LCOR: variants seen among roughly 807,000 people sequenced by gnomAD.
LCOR encodes the protein ligand dependent nuclear receptor corepressor.
A neutral mutation model predicts 64.4 loss-of-function variants in LCOR; 14 were observed. The observed-to-expected ratio is 0.22, with a 90% CI of 0.14 to 0.34. The LOEUF (loss-of-function observed/expected upper bound fraction) is 0.34, where lower values mean the gene tolerates loss of function less well. LCOR is among the 10% of genes least tolerant of loss of function. The probability of loss-of-function intolerance (pLI) is 1.00; values close to 1 mark genes in which losing one functional copy is unlikely to be tolerated. For missense variants in LCOR, 1,686 were observed against 1,765.3 expected, an observed-to-expected ratio of 0.96 and a Z score of 0.80; for synonymous variants, 643 against 642.5, an observed-to-expected ratio of 1.00 and a Z score of -0.01.
intron 2 of LCOR, among the ~76,000 whole-genome samples, chr10:96,873,582 G>GTA (rs1846112292): frequency 9.4e-6 from 1 of 106,814 alleles, no homozygotes; most frequent in Admixed American, 8.5e-5. Context: ...GTGTGTGTGT[G>GTA]TGTGTGTGTG....
At chr10:96,954,081 G>GT (rs140140479) in intron 7 of LCOR, among the ~76,000 whole-genome samples, 1 of 152,062 alleles carries the variant, frequency 6.6e-6, no homozygotes. Context: ...AAGAAGGGAA[G>GT]TTTTTTTTAA....
chr10:96,992,749 C>G lies in LCOR; in HGVS notation c.*7615C>G, dbSNP rs535305334. The G allele has an allele frequency of 6.6e-6, 1 of 152,380 alleles. No homozygotes were observed. Among genetic ancestry groups the G allele is most frequent in the Non-Finnish European group, 1.5e-5 (1 of 68,048 alleles). 9.4% of individuals were successfully genotyped at this position (152,380 alleles called of 1,614,324 possible). A position where few individuals can be genotyped will look rare whatever the true frequency, so the allele number is the denominator to read the frequency against. On this transcript the variant is annotated 3_prime_UTR_variant, in exon 8 of 8. Transcript: ENST00000421806. Reference sequence around the variant, plus strand: ...TTGTAGCCCCAAGGAAATCCAAACCCATGCTTGTGAGATATGGAGAAACCA... The same window carrying G: ...TTGTAGCCCCAAGGAAATCCAAACCGATGCTTGTGAGATATGGAGAAACCA...
At chr10:96,968,070 T>TA (rs1016032354) in intron 7 of LCOR, among the ~76,000 whole-genome samples, 14 of 152,170 alleles carry the variant, frequency 9.2e-5, no homozygotes, top group South Asian at 2.1e-4. Flanking sequence ...TTATTATGGT[T>TA]AAAAAAAACA....
rs531164208 is a variant in LCOR at position 96,896,392 on chromosome 10, T to C, written c.-329-10873T>C. On this transcript the variant is annotated intron_variant, in intron 2 of 7. Coordinates refer to ENST00000421806, the MANE Select transcript of LCOR (RefSeq NM_001346516.2). ...TCTTTTCAGTAAATTACTTGCAAAG[T>C]AATTTTATTAGTTTTATTTATTATT... Among the ~76,000 whole-genome samples, 55 of 152,294 alleles carry C rather than the reference T, an allele frequency of 3.6e-4. 1 individual carries two copies. Among genetic ancestry groups the C allele is most frequent in the African/African-American group, 1.2e-3 (49 of 41,588 alleles).
intron 2 of LCOR, among the ~76,000 whole-genome samples, chr10:96,847,364 G>A (rs1327453628): frequency 1.4e-5 from 2 of 146,842 alleles, no homozygotes; most frequent in African/African-American, 2.5e-5. Context: ...AAAAAAAAAA[G>A]CACACGGTAA....
intron 1 of LCOR, among the ~76,000 whole-genome samples, chr10:96,832,757 G>C (rs530258171): frequency 1.4e-4 from 21 of 150,962 alleles, no homozygotes; most frequent in African/African-American, 4.8e-4. Context: ...GCCGCCGCCG[G>C]CTTATTGTGG....
Position 96,966,748 on chromosome 10 carries a change from G to A in LCOR, c.333-14045G>A, listed in dbSNP as rs547661787. Among the ~76,000 whole-genome samples, 54 of 152,044 alleles carry A rather than the reference G, an allele frequency of 3.6e-4. 1 individual carries two copies. Among genetic ancestry groups the A allele is most frequent in the African/African-American group, 1.1e-3 (46 of 41,480 alleles). ...ATTCTTAACAGAATGTTGAACTTCCGTTGTTTGACAGGATCTCATTCTTAT... is the reference window on the plus strand; with the variant it reads ...ATTCTTAACAGAATGTTGAACTTCCATTGTTTGACAGGATCTCATTCTTAT... On this transcript the variant is annotated intron_variant, in intron 7 of 7. Transcript: ENST00000421806.
chr10:96,895,673 G>C (rs1846524359), intron 2 of LCOR, among the ~76,000 whole-genome samples: 1 of 152,114 alleles, frequency 6.6e-6, no homozygotes, highest in African/African-American at 2.4e-5. Context: ...TCACCTTGCT[G>C]ACCATGCCTG....
rs761907103 is a variant in LCOR at position 96,920,751 on chromosome 10, T to TATATGTATACACACACACACACACACAC, written c.-184+13005_-184+13006insTATGTATACACACACACACACACACACA. ...GTTCATATATATGTGTATATATGTA[T>TATATGTATACACACACACACACACACAC]ACACACACACACACACACACACACA... On this transcript the variant is annotated intron_variant, in intron 4 of 7. Coordinates refer to ENST00000421806, the MANE Select transcript of LCOR (RefSeq NM_001346516.2). Among the ~76,000 whole-genome samples, 9 of 118,866 alleles carry TATATGTATACACACACACACACACACAC rather than the reference T, an allele frequency of 7.6e-5. 1 individual carries two copies. Among genetic ancestry groups the TATATGTATACACACACACACACACACAC allele is most frequent in the African/African-American group, 3.5e-4 (9 of 25,596 alleles). The allele number at this position is 118,866 out of a possible 152,430, so 78.0% of individuals were successfully genotyped here.
chr10:96,976,113 G>C (rs1014304964), intron 7 of LCOR, among the ~76,000 whole-genome samples: 2 of 152,210 alleles, frequency 1.3e-5, no homozygotes, highest in Non-Finnish European at 1.5e-5. Flanking sequence ...GCCAGTGACA[G>C]GCTGACAAGA....
At chr10:96,881,018 C>G (rs1846254391) in intron 2 of LCOR, among the ~76,000 whole-genome samples, 1 of 152,128 alleles carries the variant, frequency 6.6e-6, no homozygotes, top group Admixed American at 6.5e-5. Context: ...CTCAGACAGC[C>G]TGGTTAGGCT....
chr10:96,859,409 A>C (rs144962789), intron 2 of LCOR, among the ~76,000 whole-genome samples: 349 of 152,082 alleles, frequency 2.3e-3, no homozygotes, highest in African/African-American at 8.1e-3. Context: ...ATGGAGTTTC[A>C]CCATGTTGGC....
At chr10:96,888,957 A>C (rs1459840437) in intron 2 of LCOR, among the ~76,000 whole-genome samples, 1 of 152,218 alleles carries the variant, frequency 6.6e-6, no homozygotes, top group African/African-American at 2.4e-5. Flanking sequence ...CATGTATTTG[A>C]GAGTAATCCA....
At chr10:96,883,487 T>C (rs934161677) in intron 2 of LCOR, among the ~76,000 whole-genome samples, 1 of 152,262 alleles carries the variant, frequency 6.6e-6, no homozygotes, top group African/African-American at 2.4e-5. Context: ...GAGAGTTCTG[T>C]TGCCCCATGT....
intron 7 of LCOR, among the ~76,000 whole-genome samples, chr10:96,976,145 C>T (rs1848038674): frequency 6.6e-6 from 1 of 152,218 alleles, no homozygotes; most frequent in Non-Finnish European, 1.5e-5. Flanking sequence ...CCTGCTCTTA[C>T]ACGTTGTCCC....
intron 2 of LCOR, among the ~76,000 whole-genome samples, chr10:96,879,742 A>G (rs1351734918): frequency 6.6e-5 from 10 of 152,118 alleles, no homozygotes; most frequent in Non-Finnish European, 1.5e-5. Context: ...GCGCACTGCA[A>G]CCTCTGCTTC....
chr10:96,849,656 A>G (rs1466780974), intron 2 of LCOR, among the ~76,000 whole-genome samples: 1 of 152,162 alleles, frequency 6.6e-6, no homozygotes. Context: ...CACAACATAC[A>G]GTTTATTCAG....
At chr10:96,832,808 C>T (rs1456347392) in intron 1 of LCOR, 1 of 176,404 alleles carries the variant, frequency 5.7e-6, no homozygotes, top group Non-Finnish European at 1.1e-5. Flanking sequence ...GGGGGAGGCG[C>T]GAGGGGCGCG....
Position 96,983,143 on chromosome 10 carries a change from A to G in LCOR, c.2683A>G (p.Lys895Glu). The change falls in exon 8 of 8, where the codon AAA (lysine) becomes GAA (glutamate). Residue 895 changes from lysine to glutamate, a missense_variant. By Grantham distance (56) the Lys-to-Glu change is moderately conservative. Coordinates refer to ENST00000421806, the MANE Select transcript of LCOR (RefSeq NM_001346516.2). This position sits in a 1 kb window ranked among gnomAD's most constrained non-coding sequence, Gnocchi z 4.5. The stretch of plus-strand genomic sequence containing the variant: ...AAGTGTCAATGAACGCCCCTCTGAG[A>G]AAGATGCTGAGCAGGAGGGCGAAGG... ...KPSVNERPSE[K>E]DAEQEGEGGG... The G allele has an allele frequency of 6.2e-7, 1 of 1,613,968 alleles. No individual in the cohort carries two copies. The highest frequency in any genetic ancestry group is 8.5e-7 in the Non-Finnish European group (1 of 1,179,918).
Sources: gnomAD v4.1 joint callset for allele counts (sites outside exome capture counted in the v4.1 genomes callset) on GRCh38, gnomAD v4.1.1 for gene constraint, Gnocchi (gnomAD v3.1) non-coding constraint, MANE v1.5 for transcripts, NCBI Gene and HGNC (gene_info 2026-07-23, HGNC 2026-07-21) for gene names.